Variants in TBC1D30 observed in about 807,000 individuals in gnomAD.
TBC1D30 encodes TBC1 domain family, member 30.
TBC1D30 carries 31 observed loss-of-function variants against 63.2 expected under a neutral mutation model. The observed-to-expected ratio is 0.49, with a 90% CI of 0.37 to 0.66. TBC1D30 has a LOEUF of 0.66. TBC1D30 is among the 30% of genes least tolerant of loss of function. The pLI, the probability that TBC1D30 is intolerant of heterozygous loss-of-function variation, is 0.00. For synonymous variants in TBC1D30, 307 were observed against 361.5 expected (o/e 0.85, Z 1.71); for missense variants, 810 against 953.6 (o/e 0.85, Z 1.98).
At chr12:64,846,254 A>G (rs1738837953) in intron 8 of TBC1D30, among the ~76,000 whole-genome samples, 1 of 152,174 alleles carries the variant, frequency 6.6e-6, no homozygotes, top group Non-Finnish European at 1.5e-5. Context: ...CTCATGGGGT[A>G]TTACTCAAGA....
intron 2 of TBC1D30, among the ~76,000 whole-genome samples, chr12:64,792,887 G>GCTGCTGGTACAAAC (rs1257224996): frequency 5.3e-5 from 8 of 152,118 alleles, no homozygotes; most frequent in Non-Finnish European, 1.0e-4. Context: ...GCTAGTTATG[G>GCTGCTGGTACAAAC]AATAATCAAC....
chr12:64,801,719 A>AG (rs1450913691), intron 2 of TBC1D30, among the ~76,000 whole-genome samples: 2 of 152,202 alleles, frequency 1.3e-5, no homozygotes, highest in Non-Finnish European at 2.9e-5. Context: ...TCTTTACATG[A>AG]GGAGGGAATA....
At position 64,879,084 on chromosome 12, in the gene TBC1D30, G is replaced by A. The variant is rs1879288472; in HGVS notation, c.*3296G>A. ...TAAAATATATTATTTTTCCTAATTA[G>A]AAAAGTCACAGGTTTTAGAAAATTG... On this transcript the variant is annotated 3_prime_UTR_variant, in exon 12 of 12. Transcript: ENST00000539867. The A allele has an allele frequency of 6.6e-6, 1 of 152,228 alleles. No individual in the cohort carries two copies. The highest frequency in any genetic ancestry group is 6.5e-5 in the Admixed American group (1 of 15,282). 9.4% of individuals were successfully genotyped at this position (152,228 alleles called of 1,614,324 possible).
chr12:64,843,500 T>C lies in TBC1D30; in HGVS notation c.1038+15T>C, dbSNP rs1299305352. On this transcript the variant is annotated intron_variant, in intron 8 of 11. Transcript: ENST00000539867. ...AACTCATGCAGGTGAGTCGGCAACATGGAGCAGCTTGGCTCGGGGAACCCC... is the reference window on the plus strand; with the variant it reads ...AACTCATGCAGGTGAGTCGGCAACACGGAGCAGCTTGGCTCGGGGAACCCC... 4.6e-5 allele frequency: 70 copies of C among 1,533,368 alleles called. No homozygotes were observed. Among genetic ancestry groups the C allele is most frequent in the Non-Finnish European group, 6.1e-5 (70 of 1,144,612 alleles). The allele number at this position is 1,533,368 out of a possible 1,614,324, so 95.0% of individuals were successfully genotyped here.
intron 8 of TBC1D30, among the ~76,000 whole-genome samples, chr12:64,852,165 AGGT>A (rs781091033): frequency 8.5e-5 from 13 of 152,132 alleles, no homozygotes; most frequent in Non-Finnish European, 1.5e-4. Context: ...ACTCAAATGT[AGGT>A]TTGGTCTTTT....
At chr12:64,865,534 AT>A (rs1467678026) in intron 9 of TBC1D30, among the ~76,000 whole-genome samples, 2 of 152,106 alleles carry the variant, frequency 1.3e-5, no homozygotes, top group African/African-American at 4.8e-5. Context: ...TATTGCTAAT[AT>A]GTAAAATTCC....
chr12:64,849,292 T>A (rs1876663282), intron 8 of TBC1D30, among the ~76,000 whole-genome samples: 1 of 152,238 alleles, frequency 6.6e-6, no homozygotes, highest in East Asian at 1.9e-4. Context: ...AGATCCCATT[T>A]GTCTATTTTG....
At chr12:64,782,390 AT>A (rs113623885) in intron 1 of TBC1D30, among the ~76,000 whole-genome samples, 9,549 of 142,658 alleles carry the variant, frequency 0.067, 725 homozygotes, top group African/African-American at 0.19. Context: ...CCTAGTGAAG[AT>A]TTTTTTTTTT....
chr12:64,866,704 T>C (rs958728659), intron 9 of TBC1D30, 60 bp from the exon 10 acceptor site: 34 of 1,467,542 alleles, frequency 2.3e-5, no homozygotes, highest in Non-Finnish European at 1.8e-6. Context: ...AACTGTATTA[T>C]GTTTTAAAAT....
chr12:64,843,538 A>T, intron 8 of TBC1D30, 53 bp downstream of exon 8: 1 of 1,350,896 alleles, frequency 7.4e-7, no homozygotes, highest in Non-Finnish European at 1.0e-6. Context: ...GCACGGTGGG[A>T]ACAACCAGTG....
intron 1 of TBC1D30, 77 bp from the exon 2 acceptor site, chr12:64,827,758 C>G (rs1874489133): frequency 9.7e-7 from 1 of 1,029,554 alleles, no homozygotes; most frequent in South Asian, 1.5e-5. Context: ...TCAGTAGAAT[C>G]AAGCTTTTAC....
At chr12:64,865,035 A>G (rs558530113) in intron 9 of TBC1D30, among the ~76,000 whole-genome samples, 1 of 152,196 alleles carries the variant, frequency 6.6e-6, no homozygotes, top group South Asian at 2.1e-4. Flanking sequence ...TCAAGCATTA[A>G]AAATCTCAAT....
At chr12:64,869,287 TAGG>T (rs1385841590) in intron 10 of TBC1D30, among the ~76,000 whole-genome samples, 1 of 152,188 alleles carries the variant, frequency 6.6e-6, no homozygotes, top group Admixed American at 6.5e-5. Context: ...ATTTGGAAGA[TAGG>T]AGCAGTGGCA....
intron 1 of TBC1D30, among the ~76,000 whole-genome samples, chr12:64,774,621 G>T (rs1871011793): frequency 6.6e-6 from 1 of 152,156 alleles, no homozygotes. Flanking sequence ...AGCCAGAAGA[G>T]ATTGGGGGCC....
At chr12:64,817,892 A>T (rs768063217) in intron 2 of TBC1D30, among the ~76,000 whole-genome samples, 3 of 151,936 alleles carry the variant, frequency 2.0e-5, no homozygotes, top group Non-Finnish European at 4.4e-5. Context: ...GTGAAACCCC[A>T]TGTCTACTAA....
exon 1 of TBC1D30, chr12:64,781,277 C>G: frequency 1.7e-6 from 2 of 1,143,448 alleles, no homozygotes; most frequent in South Asian, 3.3e-5. Flanking sequence ...GCTGTACCTG[C>G]GGCAGAAAGG....
intron 6 of TBC1D30, among the ~76,000 whole-genome samples, chr12:64,837,990 T>C (rs1016086180): frequency 4.6e-5 from 7 of 152,152 alleles, no homozygotes; most frequent in African/African-American, 1.7e-4. Flanking sequence ...ACATATTGGC[T>C]GTAATTTGAA....
intron 8 of TBC1D30, among the ~76,000 whole-genome samples, chr12:64,854,634 A>G (rs1877148756): frequency 6.6e-6 from 1 of 151,874 alleles, no homozygotes; most frequent in South Asian, 2.1e-4. Context: ...AGCTGGGACT[A>G]TAGGCGCCTG....
chr12:64,849,805 T>A (rs1876707230), intron 8 of TBC1D30, among the ~76,000 whole-genome samples: 1 of 152,200 alleles, frequency 6.6e-6, no homozygotes, highest in South Asian at 2.1e-4. Context: ...TCTAATTCTG[T>A]GAAGAAAGTC....
Sources: allele counts gnomAD v4.1 joint callset (sites outside exome capture counted in the v4.1 genomes callset), GRCh38; gene constraint gnomAD v4.1.1; transcripts MANE v1.5; gene names NCBI Gene and HGNC (gene_info 2026-07-23, HGNC 2026-07-21).